The following PCDHA4 variants were observed in gnomAD, a reference collection of about 807,000 sequenced individuals.
The protein encoded by PCDHA4 is protocadherin alpha-4.
PCDHA4 carries 49 observed loss-of-function variants against 61.4 expected under a neutral mutation model. That is an observed-to-expected ratio of 0.80 (90% confidence interval 0.63 to 1.01). PCDHA4 has a LOEUF of 1.01. Ranked by LOEUF, PCDHA4 falls within the 50% of genes least tolerant of loss-of-function variation. The probability of loss-of-function intolerance (pLI) is 0.00; values close to 1 mark genes in which losing one functional copy is unlikely to be tolerated. For synonymous variants in PCDHA4, 590 were observed against 550.3 expected (o/e 1.07, Z -1.01); for missense variants, 1,254 against 1,235.8 (o/e 1.01, Z -0.22).
In PCDHA4 at chr5:140,824,289, C is replaced by T. The variant is rs2150133966; in HGVS notation, c.2385+14717C>T. On this transcript the variant is annotated intron_variant, in intron 1 of 3. Transcript: ENST00000530339. The stretch of plus-strand genomic sequence containing the variant: ...CATGTATTATATGCTTTTTATGAGG[C>T]TTTTCTGCTGGGGTAATAGATTCAT... 46 of 983,138 alleles carry T rather than the reference C, an allele frequency of 4.7e-5. 1 individual carries two copies. The African/African-American group carries it at 6.0e-4, about 13-fold the overall frequency. 60.9% of individuals were successfully genotyped at this position (983,138 alleles called of 1,614,324 possible).
chr5:140,886,944 C>A (rs577897989), intron 1 of PCDHA4, among the ~76,000 whole-genome samples: 2 of 152,010 alleles, frequency 1.3e-5, no homozygotes, highest in African/African-American at 4.8e-5. Context: ...ATGTTCTACA[C>A]ATTAGACATT....
intron 1 of PCDHA4, chr5:140,851,137 A>G (rs2041971194): frequency 2.3e-6 from 3 of 1,313,646 alleles, no homozygotes; most frequent in South Asian, 2.5e-5. Flanking sequence ...TTGTGATTAA[A>G]GTGACATTGA....
intron 1 of PCDHA4, among the ~76,000 whole-genome samples, chr5:140,917,038 C>T (rs1342700377): frequency 6.6e-6 from 1 of 152,168 alleles, no homozygotes; most frequent in African/African-American, 2.4e-5. Context: ...CTGAGTCCAG[C>T]ACAGTGTTGT....
intron 1 of PCDHA4, among the ~76,000 whole-genome samples, chr5:140,936,532 A>G (rs1431070462): frequency 6.6e-6 from 1 of 152,222 alleles, no homozygotes; most frequent in East Asian, 1.9e-4. Context: ...ATTGCTTTTG[A>G]ATATAGTGCA....
At chr5:141,009,285 T>C (rs1554262099) in intron 3 of PCDHA4, among the ~76,000 whole-genome samples, 1 of 152,106 alleles carries the variant, frequency 6.6e-6, no homozygotes, top group African/African-American at 2.4e-5. Context: ...TGAGATCCCA[T>C]TTCTATAAAA....
intron 1 of PCDHA4, chr5:140,816,846 T>G (rs1327964191): frequency 2.6e-5 from 4 of 152,194 alleles, no homozygotes; most frequent in African/African-American, 9.7e-5. Context: ...CTGTGTGCTG[T>G]ACTGTGGGCC....
intron 1 of PCDHA4, chr5:140,969,627 G>A: frequency 1.5e-6 from 1 of 664,866 alleles, no homozygotes; most frequent in Non-Finnish European, 2.5e-6. Flanking sequence ...AGAGAAACAG[G>A]ACAGGCCTTG....
chr5:140,929,613 C>G (rs1485250435), intron 1 of PCDHA4: 2 of 406,044 alleles, frequency 4.9e-6, no homozygotes, highest in Admixed American at 8.8e-5. Flanking sequence ...AATAAAATAC[C>G]AAAATATTTT....
chr5:140,943,420 G>T (rs1197382156), intron 1 of PCDHA4, among the ~76,000 whole-genome samples: 1 of 152,040 alleles, frequency 6.6e-6, no homozygotes, highest in Non-Finnish European at 1.5e-5. Context: ...AGAGGCAAGG[G>T]CTTTAATATG....
rs1554168216 is a variant in PCDHA4, at chr5:140,876,040, A to G, written c.2385+66468A>G. 2 of 1,613,752 alleles carry G rather than the reference A, an allele frequency of 1.2e-6. No homozygotes were observed. Among genetic ancestry groups the G allele is most frequent in the African/African-American group, 1.3e-5 (1 of 74,922 alleles). ...AATAAAAACAAAAAAAGATAAAAGT[A>G]TATTGCCTGAATTAGTTCTTCGGAA... On this transcript the variant is annotated intron_variant, in intron 1 of 3. Coordinates refer to ENST00000530339, the MANE Select transcript of PCDHA4 (RefSeq NM_018907.4).
At chr5:141,002,468 C>G (rs369108082) in intron 3 of PCDHA4, among the ~76,000 whole-genome samples, 2 of 152,334 alleles carry the variant, frequency 1.3e-5, no homozygotes, top group Middle Eastern at 3.4e-3. Flanking sequence ...AACGCTTTAG[C>G]ATTTTCAAAG....
intron 1 of PCDHA4, among the ~76,000 whole-genome samples, chr5:140,921,179 G>A (rs1346400425): frequency 1.3e-5 from 2 of 151,662 alleles, no homozygotes; most frequent in Non-Finnish European, 2.9e-5. Context: ...ATAAAGCACA[G>A]TTTTTTCACA....
intron 1 of PCDHA4, chr5:140,834,258 C>CA (rs1772870639): frequency 5.3e-6 from 5 of 940,106 alleles, no homozygotes; most frequent in Non-Finnish European, 8.0e-6. Context: ...AAAGACGCTC[C>CA]ACTCTCTTTC....
In PCDHA4 at chr5:140,808,444, A is replaced by C; in HGVS notation, c.1257A>C (p.Ser419=). The change falls in exon 1 of 4, where the codon TCA becomes TCC. Residue 419 remains serine (S), a synonymous_variant. Transcript: ENST00000530339. ...LDSALDRESV[S]AYELVVTARD... Reference sequence around the variant, plus strand: ...GTGCCCTGGACCGCGAGAGCGTGTCAGCCTATGAGCTGGTGGTGACCGCGC... The same window carrying C: ...GTGCCCTGGACCGCGAGAGCGTGTCCGCCTATGAGCTGGTGGTGACCGCGC... 1.9e-6 allele frequency: 3 copies of C among 1,614,178 alleles called. No homozygotes were observed. The highest frequency in any genetic ancestry group is 2.5e-6 in the Non-Finnish European group (3 of 1,180,046).
chr5:140,824,610 G>GTTGTTTTTTT (rs1768193318), intron 1 of PCDHA4: 1 of 95,112 alleles, frequency 1.1e-5, no homozygotes, highest in African/African-American at 4.9e-5. Flanking sequence ...GCTAATTAAA[G>GTTGTTTTTTT]TTTTTTTTTT....
rs187345731 is a variant in PCDHA4, at chr5:140,885,533, C to T, written c.2385+75961C>T. Among the ~76,000 whole-genome samples, 472 of 152,120 alleles carry T rather than the reference C, an allele frequency of 3.1e-3. 3 individuals carry two copies. Among genetic ancestry groups the T allele is most frequent in the Middle Eastern group, 0.014 (4 of 294 alleles). On this transcript the variant is annotated intron_variant, in intron 1 of 3. Coordinates refer to ENST00000530339, the MANE Select transcript of PCDHA4 (RefSeq NM_018907.4). Reference sequence around the variant, plus strand: ...CTGTGCTATCATTTCATATATTTCCCAAAATATTGGTGTTATTTCTACGAA... The same window carrying T: ...CTGTGCTATCATTTCATATATTTCCTAAAATATTGGTGTTATTTCTACGAA...
intron 1 of PCDHA4, chr5:140,853,810 G>A (rs1402594450): frequency 7.1e-6 from 7 of 986,530 alleles, no homozygotes; most frequent in Non-Finnish European, 8.5e-6. Context: ...AAGCACACCT[G>A]AGATGATTCT....
At chr5:140,824,784 T>G (rs1418969711) in intron 1 of PCDHA4, 1 of 151,890 alleles carries the variant, frequency 6.6e-6, no homozygotes, top group East Asian at 1.9e-4. Context: ...AACACCACCC[T>G]TCCAATTTTG....
chr5:140,822,242 C>T (rs1393571238), intron 1 of PCDHA4: 2 of 1,614,038 alleles, frequency 1.2e-6, no homozygotes, highest in Non-Finnish European at 1.7e-6. Context: ...CTAGAGGGCG[C>T]GTCGGATTTG....
Sources: allele counts gnomAD v4.1 joint callset (sites outside exome capture counted in the v4.1 genomes callset), GRCh38; gene constraint gnomAD v4.1.1; transcripts MANE v1.5; gene names NCBI Gene and HGNC (gene_info 2026-07-23, HGNC 2026-07-21).